ABHD3: variants seen among roughly 807,000 people sequenced by gnomAD.
ABHD3 encodes the protein abhydrolase domain containing 3, phospholipase, also known as phospholipase ABHD3.
In ABHD3, 46 loss-of-function variants were observed where a neutral mutation model predicts 48.8. That is an observed-to-expected ratio of 0.94 (90% CI 0.74 to 1.20). The LOEUF is 1.20. Among genes scored for constraint, ABHD3 ranks in the 50% most tolerant of loss-of-function variants. The pLI, the probability that ABHD3 is intolerant of heterozygous loss-of-function variation, is 0.00. For missense variants in ABHD3, 490 were observed against 497.8 expected (o/e 0.98, Z 0.15); for synonymous variants, 192 against 183.7 (o/e 1.04, Z -0.36).
chr18:21,694,830 G>C (rs1304785979), intron 3 of ABHD3, among the ~76,000 whole-genome samples: 1 of 151,876 alleles, frequency 6.6e-6, no homozygotes, highest in Non-Finnish European at 1.5e-5. Flanking sequence ...CCTTTAAGTT[G>C]TATGTGACAC....
At chr18:21,656,148 A>C (rs532602801) in intron 8 of ABHD3, among the ~76,000 whole-genome samples, 15 of 152,268 alleles carry the variant, frequency 9.9e-5, no homozygotes, top group African/African-American at 2.9e-4. Context: ...AGAGCGAAAA[A>C]GAAAGCAGGA....
chr18:21,703,958 G>A (rs2040575949), intron 1 of ABHD3: 2 of 551,008 alleles, frequency 3.6e-6, no homozygotes, highest in South Asian at 2.5e-5. Flanking sequence ...CGATAAGGGA[G>A]TTTGTTTGTT....
intron 5 of ABHD3, among the ~76,000 whole-genome samples, chr18:21,663,488 T>C (rs1318665727): frequency 6.6e-6 from 1 of 150,910 alleles, no homozygotes; most frequent in Non-Finnish European, 1.5e-5. Flanking sequence ...CAAAAACAAT[T>C]AGTAGAAATA....
chr18:21,666,080 G>A (rs887436709), intron 4 of ABHD3, among the ~76,000 whole-genome samples: 8 of 151,886 alleles, frequency 5.3e-5, no homozygotes, highest in African/African-American at 1.9e-4. Flanking sequence ...CGCCCAGGCT[G>A]GGGTGCAGTG....
chr18:21,651,849 A>G, intron 8 of ABHD3, 86 bp from the exon 9 acceptor site: 1 of 1,213,970 alleles, frequency 8.2e-7, no homozygotes, highest in Admixed American at 2.9e-5. Context: ...AAAAGCATAT[A>G]CCTTTATCAT....
In ABHD3 at chr18:21,704,758, C is replaced by T. The variant is rs2040603481; in HGVS notation, c.-93G>A. On this transcript the variant is annotated 5_prime_UTR_variant, in exon 1 of 9. Coordinates refer to ENST00000289119, the MANE Select transcript of ABHD3 (RefSeq NM_138340.5). ...GCGAGAGCGGACGCGGCGCCGCTGC[C>T]TACTCCCGACCACAGTGTCTCCTGC... The T allele has an allele frequency of 3.9e-6, 4 of 1,031,626 alleles. No homozygotes were observed. The highest frequency in any genetic ancestry group is 3.7e-4 in the Middle Eastern group (1 of 2,720). 63.9% of individuals were successfully genotyped at this position (1,031,626 alleles called of 1,614,324 possible).
At chr18:21,702,654 T>C (rs1222011404) in intron 2 of ABHD3, among the ~76,000 whole-genome samples, 156 bp from the exon 3 acceptor site, 1 of 152,244 alleles carries the variant, frequency 6.6e-6, no homozygotes, top group African/African-American at 2.4e-5. Context: ...TATCATTTTC[T>C]TTCATTAGAA....
intron 8 of ABHD3, among the ~76,000 whole-genome samples, chr18:21,656,013 A>C (rs895069474): frequency 1.1e-4 from 17 of 151,660 alleles, no homozygotes; most frequent in African/African-American, 2.9e-4. Flanking sequence ...AAAATTAGCC[A>C]GGCATGATGG....
At chr18:21,696,146 GT>G (rs374370780) in intron 3 of ABHD3, among the ~76,000 whole-genome samples, 230 of 137,964 alleles carry the variant, frequency 1.7e-3, no homozygotes, top group African/African-American at 3.7e-3. Context: ...TTTTCTCCTT[GT>G]TTTTTTTTTT....
At chr18:21,674,580 T>C (rs1051583765) in intron 4 of ABHD3, among the ~76,000 whole-genome samples, 1 of 152,180 alleles carries the variant, frequency 6.6e-6, no homozygotes, top group African/African-American at 2.4e-5. Context: ...TTTGTTATTA[T>C]TGGACTGCAC....
rs114365542 is a variant in ABHD3 at position 21,654,147 on chromosome 18, C to T, written c.1058-2384G>A. On this transcript the variant is annotated intron_variant, in intron 8 of 8. Coordinates refer to ENST00000289119, the MANE Select transcript of ABHD3 (RefSeq NM_138340.5). The stretch of plus-strand genomic sequence containing the variant: ...GATTACAGGCGTGAGCCACTTCGCT[C>T]GGCCTGACTGCAGTAAACTATGGTA... Among the ~76,000 whole-genome samples, 1,437 of 152,036 alleles carry T rather than the reference C, an allele frequency of 9.5e-3. 16 individuals carry two copies. The highest frequency in any genetic ancestry group is 0.032 in the African/African-American group (1,314 of 41,460).
intron 5 of ABHD3, among the ~76,000 whole-genome samples, chr18:21,661,102 T>TAAAAAAAAAAAAAAAAAA (rs35710540): frequency 1.7e-5 from 1 of 57,226 alleles, no homozygotes; most frequent in South Asian, 8.2e-4. Flanking sequence ...AACTACAAGC[T>TAAAAAAAAAAAAAAAAAA]AAAAAAAAAA....
At chr18:21,675,420 T>A (rs1044260956) in intron 4 of ABHD3, among the ~76,000 whole-genome samples, 1 of 151,818 alleles carries the variant, frequency 6.6e-6, no homozygotes, top group African/African-American at 2.4e-5. Flanking sequence ...AGGCGCCTGT[T>A]GCCACGCCCA....
chr18:21,664,430 G>A, intron 4 of ABHD3, 200 bp from the exon 5 acceptor site: 1 of 505,300 alleles, frequency 2.0e-6, no homozygotes, highest in South Asian at 3.1e-5. Context: ...AGTTAGAGTT[G>A]GCACTAACAA....
At chr18:21,699,432 T>C (rs1368962517) in intron 3 of ABHD3, among the ~76,000 whole-genome samples, 1 of 152,232 alleles carries the variant, frequency 6.6e-6, no homozygotes, top group Admixed American at 6.5e-5. Context: ...TAGATCATTT[T>C]GGTACCTAAA....
At chr18:21,699,835 G>A (rs557640754) in intron 3 of ABHD3, among the ~76,000 whole-genome samples, 81 of 151,620 alleles carry the variant, frequency 5.3e-4, no homozygotes, top group Non-Finnish European at 9.7e-4. Context: ...GCGCTGCCAT[G>A]CCTGGCTAAT....
chr18:21,699,256 C>T (rs538359820), intron 3 of ABHD3, among the ~76,000 whole-genome samples: 41 of 152,278 alleles, frequency 2.7e-4, no homozygotes, highest in African/African-American at 8.9e-4. Flanking sequence ...TAGATGAGAA[C>T]GCTGTGATGA....
chr18:21,687,803 C>T (rs1304810210), intron 3 of ABHD3, among the ~76,000 whole-genome samples: 1 of 152,182 alleles, frequency 6.6e-6, no homozygotes, highest in African/African-American at 2.4e-5. Context: ...ACCTATAGCA[C>T]AGAGTTTCTC....
At chr18:21,656,256 C>A (rs1254407815) in intron 8 of ABHD3, among the ~76,000 whole-genome samples, 4 of 152,048 alleles carry the variant, frequency 2.6e-5, no homozygotes, top group African/African-American at 9.7e-5. Flanking sequence ...CTCATTGCAG[C>A]CTCAAACTTC....
Sources: gnomAD v4.1 joint callset for allele counts (sites outside exome capture counted in the v4.1 genomes callset) on GRCh38, gnomAD v4.1.1 for gene constraint, MANE v1.5 for transcripts, NCBI Gene and HGNC (gene_info 2026-07-23, HGNC 2026-07-21) for gene names.